Variants in OSBPL8 observed in about 807,000 individuals in gnomAD.
OSBPL8 encodes oxysterol binding protein like 8, also known as oxysterol-binding protein-related protein 8.
Under a neutral mutation model 125.5 loss-of-function variants are expected in OSBPL8, and 59 were observed. The ratio of observed to expected loss-of-function variants is 0.47; its 90% CI spans 0.38 to 0.58. The LOEUF (loss-of-function observed/expected upper bound fraction) is 0.58, where lower values mean the gene tolerates loss of function less well. Among genes scored for constraint, OSBPL8 ranks in the 20% least tolerant of loss-of-function variants. The pLI is 0.00. For synonymous variants in OSBPL8, 330 were observed against 338.9 expected, an observed-to-expected ratio of 0.97 and a Z score of 0.29; for missense variants, 758 against 1,047.8, an observed-to-expected ratio of 0.72 and a Z score of 3.82.
At chr12:76,519,697 G>T (rs553311231) in intron 1 of OSBPL8, among the ~76,000 whole-genome samples, 1 of 152,298 alleles carries the variant, frequency 6.6e-6, no homozygotes, top group East Asian at 1.9e-4. Flanking sequence ...TTTGGTGAGG[G>T]CCTCAGGAAG....
chr12:76,556,271 A>ATAAC (rs1251330044), intron 1 of OSBPL8, among the ~76,000 whole-genome samples: 2 of 152,188 alleles, frequency 1.3e-5, no homozygotes, highest in Non-Finnish European at 2.9e-5. Flanking sequence ...ATCTTCGACA[A>ATAAC]AGGTAAAAAT....
At chr12:76,481,773 T>TA (rs1232242831) in intron 2 of OSBPL8, among the ~76,000 whole-genome samples, 1 of 152,222 alleles carries the variant, frequency 6.6e-6, no homozygotes, top group African/African-American at 2.4e-5. Context: ...CAGCAATATT[T>TA]AAAAACTGTG....
intron 1 of OSBPL8, among the ~76,000 whole-genome samples, chr12:76,516,473 G>GT (rs1029792498): frequency 6.6e-6 from 1 of 152,040 alleles, no homozygotes; most frequent in African/African-American, 2.4e-5. Flanking sequence ...TTGTGTCTTT[G>GT]TTTTTCTGGC....
At chr12:76,515,953 G>A (rs1315838127) in intron 1 of OSBPL8, among the ~76,000 whole-genome samples, 8 of 152,070 alleles carry the variant, frequency 5.3e-5, no homozygotes, top group Non-Finnish European at 4.4e-5. Context: ...ATAACCTATG[G>A]ATTGAAGAAG....
At chr12:76,524,774 C>T (rs1209416838) in intron 1 of OSBPL8, among the ~76,000 whole-genome samples, 1 of 151,414 alleles carries the variant, frequency 6.6e-6, no homozygotes, top group Non-Finnish European at 1.5e-5. Flanking sequence ...ACCTCCGCCT[C>T]CCAGGTTCAA....
intron 5 of OSBPL8, among the ~76,000 whole-genome samples, chr12:76,408,143 TAAAAAAAAAAAA>T (rs376221340): frequency 4.3e-5 from 4 of 92,030 alleles, no homozygotes; most frequent in Admixed American, 1.2e-4. Context: ...CCTCATCTCT[TAAAAAAAAAAAA>T]AAAAAAAAAA....
chr12:76,459,931 C>T (rs1216358671), intron 2 of OSBPL8, 36 bp from the exon 3 acceptor site: 1 of 1,610,868 alleles, frequency 6.2e-7, no homozygotes, highest in Non-Finnish European at 8.5e-7. Context: ...CAAACAAATA[C>T]AGTCCAAATC....
intron 5 of OSBPL8, among the ~76,000 whole-genome samples, chr12:76,409,067 T>G (rs1033848347): frequency 1.1e-4 from 16 of 152,176 alleles, no homozygotes; most frequent in African/African-American, 3.9e-4. Context: ...ATTTCCTACT[T>G]TCTTTAATAA....
At chr12:76,507,830 G>T (rs567336646) in intron 1 of OSBPL8, among the ~76,000 whole-genome samples, 2 of 138,642 alleles carry the variant, frequency 1.4e-5, no homozygotes, top group Non-Finnish European at 3.2e-5. Context: ...TCTCAAAAAA[G>T]GCAAAAATGC....
intron 4 of OSBPL8, among the ~76,000 whole-genome samples, chr12:76,438,563 C>T (rs1871784141): frequency 6.6e-6 from 1 of 152,140 alleles, no homozygotes; most frequent in African/African-American, 2.4e-5. Context: ...TATTCACTGG[C>T]AAAATTTGAA....
intron 2 of OSBPL8, among the ~76,000 whole-genome samples, chr12:76,470,046 G>A (rs1396816560): frequency 1.3e-5 from 2 of 152,128 alleles, no homozygotes; most frequent in Non-Finnish European, 2.9e-5. Context: ...CATTGTTACA[G>A]ATTCACTATC....
At chr12:76,373,285 A>ACT (rs1952688660) in intron 18 of OSBPL8, 59 bp downstream of exon 18, 3 of 921,488 alleles carry the variant, frequency 3.3e-6, no homozygotes, top group Non-Finnish European at 3.2e-6. Context: ...TTTAAATGTG[A>ACT]TTTTTTTTTT....
chr12:76,477,281 A>C (rs143151056), intron 2 of OSBPL8, among the ~76,000 whole-genome samples: 151 of 152,314 alleles, frequency 9.9e-4, no homozygotes, highest in African/African-American at 3.5e-3. Flanking sequence ...TATGCCTAGT[A>C]ATATTTTCTG....
At chr12:76,400,629 A>G (rs1049350532) in intron 6 of OSBPL8, among the ~76,000 whole-genome samples, 2 of 152,000 alleles carry the variant, frequency 1.3e-5, no homozygotes, top group African/African-American at 4.8e-5. Context: ...TCATACTATA[A>G]TGGTGGAGTA....
At chr12:76,437,809 A>G (rs1049579604) in intron 4 of OSBPL8, among the ~76,000 whole-genome samples, 3 of 152,172 alleles carry the variant, frequency 2.0e-5, no homozygotes, top group Non-Finnish European at 2.9e-5. Flanking sequence ...TAGAATACAT[A>G]ATCTTAGTGT....
intron 4 of OSBPL8, among the ~76,000 whole-genome samples, chr12:76,443,008 G>T (rs1285533734): frequency 6.6e-6 from 1 of 152,142 alleles, no homozygotes; most frequent in African/African-American, 2.4e-5. Flanking sequence ...AAAGTGAAGG[G>T]ACTTTGCAGG....
At chr12:76,438,320 T>G (rs1229423712) in intron 4 of OSBPL8, among the ~76,000 whole-genome samples, 1 of 150,874 alleles carries the variant, frequency 6.6e-6, no homozygotes, top group African/African-American at 2.4e-5. Flanking sequence ...TTTTTTTTTT[T>G]GAGGCAGGGT....
At chr12:76,408,522 T>C (rs1954374855) in intron 5 of OSBPL8, among the ~76,000 whole-genome samples, 1 of 150,158 alleles carries the variant, frequency 6.7e-6, no homozygotes, top group African/African-American at 2.5e-5. Context: ...GCTAAAAACT[T>C]ATAGGTAATA....
At chr12:76,557,434 G>C (rs1441734546) in intron 1 of OSBPL8, among the ~76,000 whole-genome samples, 2 of 151,946 alleles carry the variant, frequency 1.3e-5, no homozygotes, top group Non-Finnish European at 2.9e-5. Flanking sequence ...GGCCAACATG[G>C]TGAAACCCCA....
Sources: gnomAD v4.1 joint callset for allele counts (sites outside exome capture counted in the v4.1 genomes callset) on GRCh38, gnomAD v4.1.1 for gene constraint, MANE v1.5 for transcripts, NCBI Gene and HGNC (gene_info 2026-07-23, HGNC 2026-07-21) for gene names.